Variants in ZDHHC15 observed in about 807,000 individuals in gnomAD.
ZDHHC15 encodes zDHHC palmitoyltransferase 15.
Under a neutral mutation model 31.7 loss-of-function variants are expected in ZDHHC15, and 19 were observed. That is an observed-to-expected ratio of 0.60 (90% CI 0.42 to 0.88). The LOEUF (loss-of-function observed/expected upper bound fraction) is 0.88, where lower values mean the gene tolerates loss of function less well. Ranked by LOEUF, ZDHHC15 falls within the 40% of genes least tolerant of loss-of-function variation. ZDHHC15 has a pLI of 0.00. For synonymous variants in ZDHHC15, 103 were observed against 90.0 expected (o/e 1.14, Z -0.82); for missense variants, 209 against 251.2 (o/e 0.83, Z 1.14).
chrX:75,490,407 C>G (rs1473950140), intron 2 of ZDHHC15, among the ~76,000 whole-genome samples: 1 of 111,824 alleles, frequency 8.9e-6, no homozygotes, highest in Non-Finnish European at 1.9e-5. Context: ...AGAAATTCTA[C>G]AAGCCAGAAG....
intron 1 of ZDHHC15, among the ~76,000 whole-genome samples, chrX:75,515,918 C>G (rs899372065): frequency 9.0e-6 from 1 of 111,566 alleles, no homozygotes; most frequent in African/African-American, 3.3e-5. Context: ...GCAAAAATCA[C>G]AAGCATTCGT....
chrX:75,461,347 C>A (rs11796750), intron 3 of ZDHHC15, among the ~76,000 whole-genome samples: 65,692 of 110,452 alleles, frequency 0.59, 17,067 homozygotes, highest in Non-Finnish European at 0.82. Context: ...TTGAACCAAG[C>A]TGGAAAATAT....
intron 3 of ZDHHC15, among the ~76,000 whole-genome samples, chrX:75,477,561 T>C (rs1315804054): frequency 8.9e-6 from 1 of 112,090 alleles, no homozygotes; most frequent in Non-Finnish European, 1.9e-5. Context: ...ATATATTTTA[T>C]AACTGTCACA....
rs1315200627 is a variant in ZDHHC15, at chrX:75,369,805, C to G, written c.*3173G>C. 1 of 111,943 alleles carries G rather than the reference C, an allele frequency of 8.9e-6. No individual in the cohort carries two copies. Among genetic ancestry groups the G allele is most frequent in the Non-Finnish European group, 1.9e-5 (1 of 53,245 alleles). The allele number at this position is 111,943 out of a possible 1,213,427, so 9.2% of individuals were successfully genotyped here. On this transcript the variant is annotated 3_prime_UTR_variant, in exon 12 of 12. Transcript: ENST00000373367. The stretch of plus-strand genomic sequence containing the variant: ...TCAGAATGTGATCCTGTTGTAATTA[C>G]TCTCAAAATTCTAACTGCTCCATGA...
chrX:75,491,903 C>G (rs996697292), intron 2 of ZDHHC15, among the ~76,000 whole-genome samples: 22 of 111,472 alleles, frequency 2.0e-4, no homozygotes. Context: ...AAATAACCAG[C>G]TAACATCATA....
chrX:75,499,411 G>A (rs2085056866), intron 2 of ZDHHC15, among the ~76,000 whole-genome samples: 2 of 111,072 alleles, frequency 1.8e-5, no homozygotes, highest in Non-Finnish European at 3.8e-5. Flanking sequence ...AATCTACAAG[G>A]AACTCAAACA....
intron 8 of ZDHHC15, among the ~76,000 whole-genome samples, chrX:75,424,146 G>A (rs764106869): frequency 3.9e-4 from 43 of 110,754 alleles, no homozygotes; most frequent in African/African-American, 1.4e-3. Flanking sequence ...ACAGCCCCTT[G>A]ATGATTGCAG....
At chrX:75,464,993 T>C (rs1212607535) in intron 3 of ZDHHC15, among the ~76,000 whole-genome samples, 1 of 111,883 alleles carries the variant, frequency 8.9e-6, no homozygotes, top group Non-Finnish European at 1.9e-5. Context: ...GGCATTCAAA[T>C]AGGAATAAAG....
intron 10 of ZDHHC15, among the ~76,000 whole-genome samples, chrX:75,396,626 A>G (rs1034149444): frequency 1.8e-5 from 2 of 111,960 alleles, no homozygotes; most frequent in Non-Finnish European, 3.8e-5. Context: ...TGATCCAGCA[A>G]TTCTACTCCT....
At position 75,424,696 on chromosome X, in the gene ZDHHC15, A is replaced by C. The variant is rs758251200; in HGVS notation, c.692T>G (p.Phe231Cys). 2.5e-6 allele frequency: 3 copies of C among 1,205,683 alleles called. No homozygotes were observed. The East Asian group carries it at 8.9e-5, about 36-fold the overall frequency. ...GCTGACAAGCCAACAATGGTAACCA[A>C]AGAGAATCACAAGGCTGACAAAAAA... Reference protein sequence around the residue: ...CMFFVSLVILFGYHCWLVSRN... With the variant: ...CMFFVSLVILCGYHCWLVSRN... Residue 231 changes from phenylalanine (F) to cysteine (C), a missense_variant, in exon 8 of 12, where the codon TTT (phenylalanine) becomes TGT (cysteine). By Grantham distance (205) the Phe-to-Cys change is radical. Coordinates refer to ENST00000373367, the MANE Select transcript of ZDHHC15 (RefSeq NM_144969.3).
At chrX:75,410,241 A>C (rs778302739) in intron 10 of ZDHHC15, among the ~76,000 whole-genome samples, 22 of 111,908 alleles carry the variant, frequency 2.0e-4, no homozygotes, top group South Asian at 3.7e-4. Context: ...GCTTCTGCAC[A>C]GCAAAGAAAA....
At chrX:75,455,103 C>T (rs1220157017) in intron 3 of ZDHHC15, among the ~76,000 whole-genome samples, 1 of 111,747 alleles carries the variant, frequency 8.9e-6, no homozygotes, top group Non-Finnish European at 1.9e-5. Context: ...CATCATGCTA[C>T]CTGACTTCAA....
At chrX:75,414,900 G>T (rs1249431285) in intron 10 of ZDHHC15, among the ~76,000 whole-genome samples, 1 of 107,664 alleles carries the variant, frequency 9.3e-6, no homozygotes, top group Non-Finnish European at 1.9e-5. Context: ...CGAGTAGCTG[G>T]GATTACAGGT....
chrX:75,451,044 T>G (rs1431550423), intron 3 of ZDHHC15, 122 bp from the exon 4 acceptor site: 62 of 847,881 alleles, frequency 7.3e-5, no homozygotes, highest in Non-Finnish European at 9.6e-5. Context: ...CAGGTACCAC[T>G]TAGTCTTATA....
intron 8 of ZDHHC15, 89 bp downstream of exon 8, chrX:75,424,563 C>A: frequency 2.1e-6 from 2 of 974,533 alleles, no homozygotes; most frequent in Non-Finnish European, 2.7e-6. Context: ...AGCTAAAATG[C>A]TTCACTGGAA....
At chrX:75,425,063 G>A (rs1367091597) in intron 7 of ZDHHC15, among the ~76,000 whole-genome samples, 1 of 110,522 alleles carries the variant, frequency 9.0e-6, no homozygotes, top group Non-Finnish European at 1.9e-5. Context: ...TGTGAAAAGG[G>A]TATTCTCGGG....
intron 3 of ZDHHC15, among the ~76,000 whole-genome samples, chrX:75,463,920 C>A (rs889306237): frequency 3.6e-5 from 4 of 111,894 alleles, no homozygotes; most frequent in East Asian, 2.8e-4. Context: ...TTTGACCCAG[C>A]CATCCCATTA....
At chrX:75,379,493 G>A (rs1020718761) in intron 10 of ZDHHC15, among the ~76,000 whole-genome samples, 1 of 111,961 alleles carries the variant, frequency 8.9e-6, no homozygotes, top group African/African-American at 3.2e-5. Context: ...GACTTTAATG[G>A]AATGTTTTGC....
At chrX:75,426,789 G>T (rs949724281) in intron 7 of ZDHHC15, among the ~76,000 whole-genome samples, 1 of 111,427 alleles carries the variant, frequency 9.0e-6, no homozygotes, top group African/African-American at 3.3e-5. Context: ...ATGGGCAGTA[G>T]GACATGGTAT....
Sources: gnomAD v4.1 joint callset for allele counts (sites outside exome capture counted in the v4.1 genomes callset) on GRCh38, gnomAD v4.1.1 for gene constraint, MANE v1.5 for transcripts, NCBI Gene and HGNC (gene_info 2026-07-23, HGNC 2026-07-21) for gene names.